Variants in GLG1 observed in about 807,000 individuals in gnomAD.
The protein encoded by GLG1 is Golgi apparatus protein 1.
Under a neutral mutation model 160.5 loss-of-function variants are expected in GLG1, and 38 were observed. The observed-to-expected ratio is 0.24, with a 90% CI of 0.18 to 0.31. GLG1 has a LOEUF of 0.31. Among genes scored for constraint, GLG1 ranks in the 10% least tolerant of loss-of-function variants. The pLI, the probability that GLG1 is intolerant of heterozygous loss-of-function variation, is 1.00. For synonymous variants in GLG1, 644 were observed against 543.4 expected (o/e 1.19, Z -2.57); for missense variants, 1,373 against 1,505.2 (o/e 0.91, Z 1.45).
chr16:74,462,212 G>A lies in GLG1; in HGVS notation c.2935-17C>T. On this transcript the variant is annotated splice_polypyrimidine_tract_variant and intron_variant, in intron 21 of 25. Coordinates refer to ENST00000422840, the MANE Select transcript of GLG1 (RefSeq NM_001145667.2). ...AGACAGGCGCTGCATGTGACAAAGG[G>A]AGGATACATGGGCTGATCAGAAAAC... 2 of 1,345,982 alleles carry A rather than the reference G, an allele frequency of 1.5e-6. No homozygotes were observed. Among genetic ancestry groups the A allele is most frequent in the South Asian group, 1.2e-5 (1 of 85,302 alleles). 83.4% of individuals were successfully genotyped at this position (1,345,982 alleles called of 1,614,324 possible).
chr16:74,503,892 T>G (rs544610570), intron 3 of GLG1, 146 bp from the exon 4 acceptor site: 1 of 621,266 alleles, frequency 1.6e-6, no homozygotes, highest in East Asian at 2.7e-5. Context: ...TAGAAATATA[T>G]CCAAGGAAAA....
intron 1 of GLG1, among the ~76,000 whole-genome samples, chr16:74,583,558 T>C (rs916329003): frequency 6.6e-6 from 1 of 152,114 alleles, no homozygotes; most frequent in African/African-American, 2.4e-5. Context: ...TATGACATTT[T>C]TAGCAGAGGC....
At chr16:74,554,573 T>C (rs1162646103) in intron 1 of GLG1, among the ~76,000 whole-genome samples, 1 of 152,158 alleles carries the variant, frequency 6.6e-6, no homozygotes, top group Non-Finnish European at 1.5e-5. Context: ...CCAGCACTTT[T>C]CTCAATATAT....
chr16:74,470,775 G>T (rs1044519881), intron 15 of GLG1, among the ~76,000 whole-genome samples: 1 of 147,088 alleles, frequency 6.8e-6, no homozygotes, highest in Non-Finnish European at 1.5e-5. Flanking sequence ...TGTTGTTGCT[G>T]TTGAGATGGA....
In GLG1 at chr16:74,550,694, G is replaced by T. The variant is rs1225634905; in HGVS notation, c.439-18541C>A. Among the ~76,000 whole-genome samples the T allele has an allele frequency of 4.6e-5, 7 of 152,066 alleles. No individual in the cohort carries two copies. The East Asian group carries it at 1.4e-3, about 29-fold the overall frequency. The stretch of plus-strand genomic sequence containing the variant: ...TCAGTGTGTGAAATAAGACAAAGAT[G>T]CAAAAGTCAAGAGGGGGACAAGCTT... On this transcript the variant is annotated intron_variant, in intron 1 of 25. Coordinates refer to ENST00000422840, the MANE Select transcript of GLG1 (RefSeq NM_001145667.2).
intron 1 of GLG1, among the ~76,000 whole-genome samples, chr16:74,594,930 T>G (rs535485896): frequency 6.6e-6 from 1 of 152,316 alleles, no homozygotes; most frequent in South Asian, 2.1e-4. Flanking sequence ...GGCTCACGCC[T>G]GTAATCCCAA....
chr16:74,607,090 G>A lies in GLG1; in HGVS notation c.5C>T (p.Ala2Val), dbSNP rs781349197. The change falls in exon 1 of 26, where the codon GCG (alanine) becomes GTG (valine). Residue 2 changes from alanine (A) to valine (V), a missense_variant. Physicochemically the swap from Ala to Val is moderately conservative, Grantham distance 64. Coordinates refer to ENST00000422840, the MANE Select transcript of GLG1 (RefSeq NM_001145667.2). The stretch of plus-strand genomic sequence containing the variant: ...CATCCTCCGTACACGTCCACACGCC[G>A]CCATCTTGAGTCCGCGGCGAGCTCG... M[A>V]ACGRVRRMFR... 7.2e-6 allele frequency: 11 copies of A among 1,538,124 alleles called. No homozygotes were observed. Among genetic ancestry groups the A allele is most frequent in the African/African-American group, 2.7e-5 (2 of 72,800 alleles).
At chr16:74,490,068 G>C (rs2015928280) in intron 8 of GLG1, among the ~76,000 whole-genome samples, 2 of 152,144 alleles carry the variant, frequency 1.3e-5, no homozygotes, top group Non-Finnish European at 2.9e-5. Context: ...TACTATTCTA[G>C]GATATAAAGC....
chr16:74,552,370 T>A (rs2018224617), intron 1 of GLG1: 1 of 588,218 alleles, frequency 1.7e-6, no homozygotes, highest in Non-Finnish European at 3.3e-6. Context: ...AAGACAAGAA[T>A]GTGCCCAACC....
intron 23 of GLG1, 178 bp from the exon 24 acceptor site, chr16:74,458,172 T>C (rs956054292): frequency 7.5e-6 from 4 of 529,860 alleles, no homozygotes; most frequent in African/African-American, 5.6e-5. Context: ...TTTAATTGAG[T>C]AACTAACTAC....
intron 10 of GLG1, among the ~76,000 whole-genome samples, chr16:74,480,878 A>G (rs2015573797): frequency 6.6e-6 from 1 of 152,192 alleles, no homozygotes; most frequent in South Asian, 2.1e-4. Flanking sequence ...ATGAACACAC[A>G]GTAGTCAGCA....
At chr16:74,478,057 C>T (rs887849613) in intron 11 of GLG1, among the ~76,000 whole-genome samples, 2 of 151,770 alleles carry the variant, frequency 1.3e-5, no homozygotes, top group African/African-American at 4.8e-5. Flanking sequence ...TTTAGCAATG[C>T]GATTATACAT....
intron 6 of GLG1, 85 bp downstream of exon 6, chr16:74,494,675 G>A (rs1448075475): frequency 6.3e-6 from 4 of 637,164 alleles, no homozygotes; most frequent in Non-Finnish European, 1.2e-5. Flanking sequence ...AAAGTGCTGG[G>A]ATTACAGGCG....
At chr16:74,598,555 T>C (rs1468743300) in intron 1 of GLG1, among the ~76,000 whole-genome samples, 1 of 148,622 alleles carries the variant, frequency 6.7e-6, no homozygotes, top group African/African-American at 2.5e-5. Context: ...GAAAAATTAA[T>C]TTACATGATA....
chr16:74,528,075 T>C (rs1236973815), intron 2 of GLG1, among the ~76,000 whole-genome samples: 4 of 151,826 alleles, frequency 2.6e-5, no homozygotes, highest in Admixed American at 6.6e-5. Context: ...TTAGTAGAGA[T>C]GGGGTTTCAC....
intron 2 of GLG1, among the ~76,000 whole-genome samples, chr16:74,519,657 A>C (rs963598514): frequency 2.0e-5 from 3 of 152,118 alleles, no homozygotes; most frequent in African/African-American, 7.2e-5. Context: ...ATGTTGAGTC[A>C]AACGGTTCTA....
chr16:74,567,157 A>C lies in GLG1; in HGVS notation c.439-35004T>G, dbSNP rs1306596834. On this transcript the variant is annotated intron_variant, in intron 1 of 25. Coordinates refer to ENST00000422840, the MANE Select transcript of GLG1 (RefSeq NM_001145667.2). ...TGAATAAAATTACATGATTACATGT[A>C]ATTGTGTGTGTGTGTGTTGTGTGTG... is the stretch of plus-strand genomic sequence containing the variant. 5.4e-5 allele frequency among the ~76,000 whole-genome samples: 8 copies of C among 148,666 alleles called. No homozygotes were observed. In the East Asian group the frequency reaches 1.7e-3, roughly 31 times the overall value.
At chr16:74,604,316 G>A (rs1958513566) in intron 1 of GLG1, among the ~76,000 whole-genome samples, 1 of 152,224 alleles carries the variant, frequency 6.6e-6, no homozygotes, top group East Asian at 1.9e-4. Flanking sequence ...CACTGTACTA[G>A]GTATCACAAG....
intron 8 of GLG1, among the ~76,000 whole-genome samples, chr16:74,488,046 C>T (rs140601939): frequency 1.5e-4 from 23 of 152,182 alleles, no homozygotes; most frequent in South Asian, 6.2e-4. Context: ...CAGCCATGAA[C>T]GAAGAGAATT....
Sources: allele counts gnomAD v4.1 joint callset (sites outside exome capture counted in the v4.1 genomes callset), GRCh38; gene constraint gnomAD v4.1.1; transcripts MANE v1.5; gene names NCBI Gene and HGNC (gene_info 2026-07-23, HGNC 2026-07-21).